The following CAPN13 variants were observed in gnomAD, a reference collection of about 807,000 sequenced individuals.
The protein encoded by CAPN13 is calpain-13.
A neutral mutation model predicts 98.4 loss-of-function variants in CAPN13; 90 were observed. The observed-to-expected ratio is 0.92, with a 90% CI of 0.77 to 1.09. CAPN13 has a LOEUF of 1.09. Among genes scored for constraint, CAPN13 ranks in the 50% least tolerant of loss-of-function variants. The probability of loss-of-function intolerance (pLI) is 0.00; values close to 1 mark genes in which losing one functional copy is unlikely to be tolerated. For missense variants in CAPN13, 887 were observed against 841.3 expected (o/e 1.05, Z -0.67); for synonymous variants, 330 against 305.5 (o/e 1.08, Z -0.84).
chr2:30,787,380 C>CA, intron 1 of CAPN13, 23 bp from the exon 2 acceptor site: 1 of 1,524,206 alleles, frequency 6.6e-7, no homozygotes, highest in Non-Finnish European at 8.8e-7. Context: ...AAAAGGGATA[C>CA]CTTTGGGGTA....
At position 30,750,147 on chromosome 2, in the gene CAPN13, T is replaced by C. The variant is rs114321631; in HGVS notation, c.1236+956A>G. ...TTATGCAGCCACAAAAACAGCTGTT[T>C]TTTTCTGGGAACATGGATGGAGCTG... On this transcript the variant is annotated intron_variant, in intron 11 of 22. Transcript: ENST00000295055. Among the ~76,000 whole-genome samples, 581 of 152,310 alleles carry C rather than the reference T, an allele frequency of 3.8e-3. 2 individuals are homozygous for C. Among genetic ancestry groups the C allele is most frequent in the African/African-American group, 0.013 (561 of 41,584 alleles).
At chr2:30,740,251 T>C (rs1671589215) in intron 15 of CAPN13, among the ~76,000 whole-genome samples, 1 of 152,076 alleles carries the variant, frequency 6.6e-6, no homozygotes, top group African/African-American at 2.4e-5. Flanking sequence ...TGCGCTACCA[T>C]GCCCGGCTAA....
In CAPN13 at chr2:30,777,655, A is replaced by T; in HGVS notation, c.199-16T>A. The T allele has an allele frequency of 6.5e-7, 1 of 1,550,348 alleles. No individual in the cohort carries two copies. The highest frequency in any genetic ancestry group is 8.8e-7 in the Non-Finnish European group (1 of 1,140,358). On this transcript the variant is annotated splice_polypyrimidine_tract_variant and intron_variant, in intron 2 of 22. Coordinates refer to ENST00000295055, the MANE Select transcript of CAPN13 (RefSeq NM_144575.3). The stretch of plus-strand genomic sequence containing the variant: ...CTGGTAGATCCTTTAGGAAAGAGGG[A>T]GAAAAGCTATGAACATCGTTTATTC...
intron 1 of CAPN13, among the ~76,000 whole-genome samples, chr2:30,794,706 AGAAAT>A (rs1674769943): frequency 6.6e-6 from 1 of 152,044 alleles, no homozygotes; most frequent in Non-Finnish European, 1.5e-5. Flanking sequence ...AGCAATAAAA[AGAAAT>A]GAATTATTGA....
intron 1 of CAPN13, among the ~76,000 whole-genome samples, chr2:30,791,827 G>C (rs1267985635): frequency 6.6e-6 from 1 of 152,196 alleles, no homozygotes. Context: ...AATATTTTAT[G>C]AAAAGATGTT....
At chr2:30,760,221 C>T (rs6740808) in intron 7 of CAPN13, among the ~76,000 whole-genome samples, 77,658 of 152,076 alleles carry the variant, frequency 0.51, 22,315 homozygotes, top group African/African-American at 0.78. Context: ...TAGCTGGGAC[C>T]ACAGGCAGGT....
chr2:30,797,949 T>C (rs1674973203), intron 1 of CAPN13, among the ~76,000 whole-genome samples: 1 of 152,232 alleles, frequency 6.6e-6, no homozygotes, highest in East Asian at 1.9e-4. Context: ...TGGCCAGGTG[T>C]CCCTGAGGCC....
chr2:30,783,965 G>C (rs563536564), intron 2 of CAPN13, among the ~76,000 whole-genome samples: 1 of 152,154 alleles, frequency 6.6e-6, no homozygotes, highest in South Asian at 2.1e-4. Flanking sequence ...TGGATCACTC[G>C]AGGTCAGGAG....
intron 5 of CAPN13, among the ~76,000 whole-genome samples, chr2:30,766,546 G>A (rs567826113): frequency 6.2e-4 from 95 of 152,184 alleles, no homozygotes; most frequent in Non-Finnish European, 8.1e-4. Flanking sequence ...TTGCTGACAG[G>A]AAGTAGAAAG....
chr2:30,776,159 T>G, intron 3 of CAPN13, 114 bp from the exon 4 acceptor site: 1 of 499,560 alleles, frequency 2.0e-6, no homozygotes, highest in Non-Finnish European at 3.2e-6. Flanking sequence ...AATAATGCAT[T>G]TTTTTTTCCT....
At chr2:30,792,524 T>A (rs544163809) in intron 1 of CAPN13, among the ~76,000 whole-genome samples, 14 of 152,054 alleles carry the variant, frequency 9.2e-5, no homozygotes, top group Non-Finnish European at 1.9e-4. Context: ...ACAGAAAATC[T>A]GAATAATGCC....
intron 6 of CAPN13, among the ~76,000 whole-genome samples, chr2:30,763,450 A>G (rs1672948375): frequency 1.3e-5 from 2 of 152,264 alleles, no homozygotes; most frequent in African/African-American, 4.8e-5. Flanking sequence ...GACACGGCAC[A>G]AATATGTCTG....
At chr2:30,800,116 A>AGAAGAAAGAAAG (rs1675124908) in intron 1 of CAPN13, among the ~76,000 whole-genome samples, 1 of 85,596 alleles carries the variant, frequency 1.2e-5, no homozygotes, top group Admixed American at 1.3e-4. Flanking sequence ...GAAAAGAAAG[A>AGAAGAAAGAAAG]AAAGAAAGAA....
In CAPN13 at chr2:30,754,485, C is replaced by A; in HGVS notation, c.867-121G>T. On this transcript the variant is annotated intron_variant, in intron 8 of 22. Coordinates refer to ENST00000295055, the MANE Select transcript of CAPN13 (RefSeq NM_144575.3). ...TTCCTGGGGAGCACAGGGCAAGTGT[C>A]ATCCTACCTAGGACAGGACCCAGTT... is the stretch of plus-strand genomic sequence containing the variant. 3 of 751,844 alleles carry A rather than the reference C, an allele frequency of 4.0e-6. No individual in the cohort carries two copies. In the South Asian group the frequency reaches 6.9e-5, roughly 17 times the overall value. 46.6% of individuals were successfully genotyped at this position (751,844 alleles called of 1,614,324 possible).
chr2:30,786,846 C>T (rs1674306514), intron 2 of CAPN13, among the ~76,000 whole-genome samples: 1 of 152,194 alleles, frequency 6.6e-6, no homozygotes, highest in Non-Finnish European at 1.5e-5. Context: ...CTACAATCTT[C>T]ATACCCGTGG....
intron 4 of CAPN13, among the ~76,000 whole-genome samples, chr2:30,770,668 T>C (rs1440135257): frequency 6.6e-6 from 1 of 152,164 alleles, no homozygotes; most frequent in African/African-American, 2.4e-5. Context: ...TCCAGGAAGA[T>C]ATAGTCAGGG....
At chr2:30,737,966 GAC>G (rs71831494) in intron 17 of CAPN13, 63,363 of 369,592 alleles carry the variant, frequency 0.17, 2,932 homozygotes, top group Admixed American at 0.31. Flanking sequence ...GAATTATAAG[GAC>G]ACACACACAC....
intron 7 of CAPN13, 33 bp downstream of exon 7, chr2:30,763,049 G>A (rs1283354717): frequency 6.4e-7 from 1 of 1,566,962 alleles, no homozygotes; most frequent in South Asian, 1.2e-5. Context: ...CAGAGGCCAG[G>A]GGAGAGCTGG....
intron 1 of CAPN13, among the ~76,000 whole-genome samples, chr2:30,789,129 C>G (rs1046671586): frequency 4.6e-5 from 7 of 152,026 alleles, no homozygotes; most frequent in African/African-American, 1.7e-4. Context: ...AAAAGAGGGC[C>G]CGCAACAAAT....
Sources: allele counts gnomAD v4.1 joint callset (sites outside exome capture counted in the v4.1 genomes callset), GRCh38; gene constraint gnomAD v4.1.1; transcripts MANE v1.5; gene names NCBI Gene and HGNC (gene_info 2026-07-23, HGNC 2026-07-21).